Variants in RUSC2 observed in about 807,000 individuals in gnomAD.
RUSC2 encodes AP-4 complex accessory subunit RUSC2.
In RUSC2, 34 loss-of-function variants were observed where a neutral mutation model predicts 122.2. That is an observed-to-expected ratio of 0.28 (90% CI 0.21 to 0.37). The LOEUF (loss-of-function observed/expected upper bound fraction) is 0.37. Ranked by LOEUF, RUSC2 falls within the 10% of genes least tolerant of loss-of-function variation. The pLI is 1.00. For missense variants in RUSC2, 1,747 were observed against 1,952.4 expected (o/e 0.89, Z 1.98); for synonymous variants, 784 against 790.0 (o/e 0.99, Z 0.13).
chr9:35,536,481 G>A (rs560329819), intron 1 of RUSC2, among the ~76,000 whole-genome samples: 2 of 152,290 alleles, frequency 1.3e-5, no homozygotes, highest in East Asian at 3.9e-4. Flanking sequence ...CATGTTTCAA[G>A]GACTGCATGA....
At chr9:35,529,852 C>T (rs1821387696) in intron 1 of RUSC2, among the ~76,000 whole-genome samples, 1 of 152,298 alleles carries the variant, frequency 6.6e-6, no homozygotes, top group African/African-American at 2.4e-5. Flanking sequence ...TCCTTACCTT[C>T]TTCTTCTTCA....
Position 35,546,418 on chromosome 9 carries a change from C to G in RUSC2, c.-92-12C>G. 1 of 867,182 alleles carries G rather than the reference C, an allele frequency of 1.2e-6. No homozygotes were observed. Among genetic ancestry groups the G allele is most frequent in the Non-Finnish European group, 1.6e-6 (1 of 629,272 alleles). The allele number at this position is 867,182 out of a possible 1,614,324, so 53.7% of individuals were successfully genotyped here. A position where few individuals can be genotyped will look rare whatever the true frequency, so the allele number is the denominator to read the frequency against. ...GTGACATTAGGTTCCCTTTCTTTCCCTCTCTCTCCAGGTGCCAAGCTCTCC... is the reference window on the plus strand; with the variant it reads ...GTGACATTAGGTTCCCTTTCTTTCCGTCTCTCTCCAGGTGCCAAGCTCTCC... On this transcript the variant is annotated splice_polypyrimidine_tract_variant and intron_variant, in intron 1 of 11. Transcript: ENST00000361226. This position sits in a 1 kb window ranked among gnomAD's most constrained non-coding sequence, Gnocchi z 4.3.
At chr9:35,504,010 A>G (rs1820866111) in intron 1 of RUSC2, among the ~76,000 whole-genome samples, 1 of 152,064 alleles carries the variant, frequency 6.6e-6, no homozygotes. Context: ...CCTGGCCTCA[A>G]GTGATCTGCC....
chr9:35,498,811 A>G (rs978205604), intron 1 of RUSC2, among the ~76,000 whole-genome samples: 4 of 150,672 alleles, frequency 2.7e-5, no homozygotes, highest in Non-Finnish European at 5.9e-5. Context: ...CAGTGAGCCG[A>G]GATCGCCTGG....
intron 1 of RUSC2, among the ~76,000 whole-genome samples, chr9:35,493,157 C>A (rs1047104124): frequency 9.2e-5 from 14 of 152,088 alleles, no homozygotes; most frequent in African/African-American, 2.9e-4. Context: ...CTCAAGAAGA[C>A]CCTGGTGTCT....
chr9:35,496,535 C>T (rs972138169), intron 1 of RUSC2, among the ~76,000 whole-genome samples: 4 of 152,124 alleles, frequency 2.6e-5, no homozygotes, highest in Admixed American at 6.6e-5. Flanking sequence ...GATCCATGCT[C>T]GGACTGTTGT....
Position 35,546,482 on chromosome 9 carries a change from GTGTC to G in RUSC2, c.-37_-34del. ...TCTGCCCCACTGGGCTCCAGGGACA[GTGTC>G]TGGTGCTGTTGAAGCCCTTATTCGA... is the stretch of plus-strand genomic sequence containing the variant. On this transcript the variant is annotated 5_prime_UTR_variant, in exon 2 of 12. An upstream open reading frame in the 5' UTR loses its in-frame stop. Coordinates refer to ENST00000361226, the MANE Select transcript of RUSC2 (RefSeq NM_014806.5). The surrounding 1 kb of genome is among the most constrained non-coding windows in gnomAD (Gnocchi z 4.3). The G allele has an allele frequency of 7.5e-7, 1 of 1,337,106 alleles. No individual in the cohort carries two copies. Among genetic ancestry groups the G allele is most frequent in the Non-Finnish European group, 9.7e-7 (1 of 1,032,850 alleles). The allele number at this position is 1,337,106 out of a possible 1,614,324, so 82.8% of individuals were successfully genotyped here. A position where few individuals can be genotyped will look rare whatever the true frequency, so the allele number is the denominator to read the frequency against.
intron 1 of RUSC2, among the ~76,000 whole-genome samples, chr9:35,514,983 A>G (rs1821075946): frequency 6.6e-6 from 1 of 152,120 alleles, no homozygotes; most frequent in Non-Finnish European, 1.5e-5. Flanking sequence ...GGGGAGGGAG[A>G]AATGTGGAAT....
intron 1 of RUSC2, among the ~76,000 whole-genome samples, chr9:35,519,048 A>T (rs1821162675): frequency 6.6e-6 from 1 of 152,210 alleles, no homozygotes; most frequent in Non-Finnish European, 1.5e-5. Flanking sequence ...GAGGTTTGGC[A>T]CTAGACAGCT....
chr9:35,551,507 A>G (rs1257670300), intron 2 of RUSC2, among the ~76,000 whole-genome samples: 2 of 152,154 alleles, frequency 1.3e-5, no homozygotes, highest in Non-Finnish European at 1.5e-5. Flanking sequence ...CCACTCCCTT[A>G]GACTGCAGTG....
In RUSC2 at chr9:35,490,123, C is replaced by CGCCGCT. The variant is rs199958308; in HGVS notation, c.-137_-136insTGCCGC. 0.053 allele frequency: 5,324 copies of CGCCGCT among 101,380 alleles called. 318 individuals carry two copies. The highest frequency in any genetic ancestry group is 0.16 in the African/African-American group (5,086 of 31,208). The allele number at this position is 101,380 out of a possible 1,614,324, so 6.3% of individuals were successfully genotyped here. On this transcript the variant is annotated 5_prime_UTR_variant, in exon 1 of 12. Coordinates refer to ENST00000361226, the MANE Select transcript of RUSC2 (RefSeq NM_014806.5). ...ACCCCTGGAGGGCGAGACACGCCGC[C>CGCCGCT]GCCGCCGCCGCCGCCGGCGCGGAAG... is the stretch of plus-strand genomic sequence containing the variant.
intron 1 of RUSC2, among the ~76,000 whole-genome samples, chr9:35,530,357 A>G (rs925328148): frequency 1.3e-5 from 2 of 152,174 alleles, no homozygotes; most frequent in African/African-American, 4.8e-5. Flanking sequence ...CCATCTAGAA[A>G]TGTACCGTCA....
chr9:35,517,735 T>C lies in RUSC2; in HGVS notation c.-93+27563T>C, dbSNP rs531052950. ...GGCACAGACTGGGCCTATTTCCTAA[T>C]GTGGCCACTGTGACCCTAGAAGAGG... is the stretch of plus-strand genomic sequence containing the variant. On this transcript the variant is annotated intron_variant, in intron 1 of 11. Coordinates refer to ENST00000361226, the MANE Select transcript of RUSC2 (RefSeq NM_014806.5). Among the ~76,000 whole-genome samples the C allele has an allele frequency of 2.6e-5, 4 of 152,292 alleles. No individual in the cohort carries two copies. The East Asian group carries it at 5.8e-4, about 22-fold the overall frequency.
At chr9:35,539,859 C>T (rs536143093) in intron 1 of RUSC2, among the ~76,000 whole-genome samples, 2 of 152,250 alleles carry the variant, frequency 1.3e-5, no homozygotes, top group South Asian at 2.1e-4. Flanking sequence ...TCAGGAAAAG[C>T]GTTATCAGTC....
intron 1 of RUSC2, among the ~76,000 whole-genome samples, chr9:35,521,907 T>C (rs1346673363): frequency 6.6e-6 from 1 of 151,480 alleles, no homozygotes; most frequent in Non-Finnish European, 1.5e-5. Flanking sequence ...CTCCTGGGCA[T>C]TGGCTGCTAT....
chr9:35,511,086 G>C (rs1478515694), intron 1 of RUSC2, among the ~76,000 whole-genome samples: 1 of 152,178 alleles, frequency 6.6e-6, no homozygotes, highest in Non-Finnish European at 1.5e-5. Flanking sequence ...AGATGGAGTT[G>C]GAAAAGCTCC....
At chr9:35,495,542 G>T (rs1272734889) in intron 1 of RUSC2, among the ~76,000 whole-genome samples, 2 of 151,686 alleles carry the variant, frequency 1.3e-5, no homozygotes, top group Non-Finnish European at 2.9e-5. Context: ...TTATCTTTAT[G>T]CTGATAAAAC....
intron 1 of RUSC2, among the ~76,000 whole-genome samples, chr9:35,504,209 A>G (rs1820869245): frequency 6.6e-6 from 1 of 152,150 alleles, no homozygotes; most frequent in Admixed American, 6.5e-5. Flanking sequence ...TGAGATATAT[A>G]TTTTTCCGAG....
chr9:35,506,283 T>C (rs1172628025), intron 1 of RUSC2, among the ~76,000 whole-genome samples: 2 of 152,236 alleles, frequency 1.3e-5, no homozygotes, highest in African/African-American at 4.8e-5. Context: ...TTATACTATC[T>C]GAATTACATG....
Sources: gnomAD v4.1 joint callset for allele counts (sites outside exome capture counted in the v4.1 genomes callset) on GRCh38, gnomAD v4.1.1 for gene constraint, Gnocchi (gnomAD v3.1) non-coding constraint, MANE v1.5 for transcripts, NCBI Gene and HGNC (gene_info 2026-07-23, HGNC 2026-07-21) for gene names.